EPB41L3: variants seen among roughly 807,000 people sequenced by gnomAD.
EPB41L3 encodes band 4.1-like protein 3.
In EPB41L3, 57 loss-of-function variants were observed where a neutral mutation model predicts 127.1. The ratio of observed to expected loss-of-function variants is 0.45; its 90% CI spans 0.36 to 0.56. EPB41L3 has a LOEUF of 0.56. Ranked by LOEUF, EPB41L3 falls within the 20% of genes least tolerant of loss-of-function variation. EPB41L3 has a pLI of 0.00. For synonymous variants in EPB41L3, 572 were observed against 549.5 expected (o/e 1.04, Z -0.57); for missense variants, 1,273 against 1,372.2 (o/e 0.93, Z 1.14).
intron 3 of EPB41L3, among the ~76,000 whole-genome samples, chr18:5,591,786 G>T (rs1001920377): frequency 1.3e-5 from 2 of 152,130 alleles, no homozygotes; most frequent in African/African-American, 2.4e-5. Context: ...AAAGTAAAGT[G>T]AAATCAACAA....
intron 1 of EPB41L3, among the ~76,000 whole-genome samples, chr18:5,505,200 T>C (rs745999839): frequency 1.3e-5 from 2 of 152,150 alleles, no homozygotes; most frequent in South Asian, 4.1e-4. Context: ...TGTCCAAAAG[T>C]GAACACTTGA....
intron 15 of EPB41L3, 95 bp from the exon 16 acceptor site, chr18:5,407,063 T>C (rs1434986679): frequency 1.5e-5 from 19 of 1,226,446 alleles, no homozygotes; most frequent in Non-Finnish European, 2.2e-5. Context: ...TCAATCTTAT[T>C]AGTAGTCAAA....
At chr18:5,480,924 A>G (rs1210103300) in intron 2 of EPB41L3, 1 of 152,246 alleles carries the variant, frequency 6.6e-6, no homozygotes, top group Non-Finnish European at 1.5e-5. Flanking sequence ...AAGAAAAAGC[A>G]AACATTTACT....
intron 3 of EPB41L3, among the ~76,000 whole-genome samples, chr18:5,476,330 A>G (rs2087213125): frequency 6.6e-6 from 1 of 152,240 alleles, no homozygotes; most frequent in Non-Finnish European, 1.5e-5. Context: ...ATAATTTATT[A>G]TAGAAGAAAA....
chr18:5,443,840 C>T lies in EPB41L3; in HGVS notation c.527G>A (p.Arg176Gln), dbSNP rs762396487. The change falls in exon 5 of 23, where the codon CGA becomes CAA. Residue 176 changes from arginine (R) to glutamine (Q), a missense_variant and splice_region_variant. Arg to Gln is a conservative substitution (Grantham distance 43). Transcript: ENST00000341928. ...AAAAATAATCCAAAAGAACTTACTT[C>T]GAACCTGTTTTTTTATTTCCTTAGC... ...DPAKEIKKQV[R>Q]SGAWHFSFNV... The T allele has an allele frequency of 4.4e-6, 7 of 1,608,712 alleles. No homozygotes were observed. The East Asian group carries it at 1.1e-4, about 26-fold the overall frequency.
intron 22 of EPB41L3, 124 bp from the exon 23 acceptor site, chr18:5,393,602 C>G: frequency 1.6e-6 from 1 of 621,130 alleles, no homozygotes; most frequent in Admixed American, 2.5e-5. Context: ...CCATGACATT[C>G]CAGCGTTAAG....
At chr18:5,515,053 C>CT (rs1351796373) in intron 1 of EPB41L3, among the ~76,000 whole-genome samples, 4 of 152,136 alleles carry the variant, frequency 2.6e-5, no homozygotes, top group Non-Finnish European at 2.9e-5. Flanking sequence ...AAGTGGGGTG[C>CT]TTTTCACAAG....
intron 3 of EPB41L3, among the ~76,000 whole-genome samples, chr18:5,576,257 A>T (rs539908699): frequency 6.6e-6 from 1 of 151,066 alleles, no homozygotes; most frequent in East Asian, 1.9e-4. Context: ...AAAATATCTT[A>T]CTACAAGTTA....
upstream of EPB41L3, among the ~76,000 whole-genome samples, chr18:5,548,005 T>C (rs1439665443): frequency 6.6e-6 from 1 of 152,236 alleles, no homozygotes; most frequent in Non-Finnish European, 1.5e-5. Context: ...GCCACCCTAA[T>C]AGACATTCAC....
At chr18:5,575,096 A>G (rs538501726) in intron 3 of EPB41L3, among the ~76,000 whole-genome samples, 8 of 152,316 alleles carry the variant, frequency 5.3e-5, no homozygotes, top group Non-Finnish European at 1.0e-4. Flanking sequence ...GAAGTAAGGA[A>G]TGGCAGTTCT....
intron 1 of EPB41L3, among the ~76,000 whole-genome samples, chr18:5,511,391 G>GTTTTTTTTTTTTT (rs1190047630): frequency 8.4e-5 from 5 of 59,798 alleles, no homozygotes; most frequent in Non-Finnish European, 1.2e-4. Flanking sequence ...AGGTATTTTG[G>GTTTTTTTTTTTTT]TTTTTTTTTT....
chr18:5,626,498 C>T (rs1490182875), intron 1 of EPB41L3, among the ~76,000 whole-genome samples: 2 of 152,138 alleles, frequency 1.3e-5, no homozygotes, highest in South Asian at 4.1e-4. Flanking sequence ...TTTAGCAGTT[C>T]TCCAATGAAA....
chr18:5,510,852 TAA>T (rs1458053290), intron 1 of EPB41L3, among the ~76,000 whole-genome samples: 1 of 152,186 alleles, frequency 6.6e-6, no homozygotes, highest in Non-Finnish European at 1.5e-5. Flanking sequence ...GTAAAATCAT[TAA>T]GTCTACATCA....
chr18:5,425,463 G>T (rs965031482), intron 9 of EPB41L3, among the ~76,000 whole-genome samples: 3 of 152,056 alleles, frequency 2.0e-5, no homozygotes, highest in Non-Finnish European at 4.4e-5. Context: ...TATTCATCCT[G>T]CAACTAATAT....
At chr18:5,418,679 C>A (rs889134377) in intron 12 of EPB41L3, among the ~76,000 whole-genome samples, 2 of 152,110 alleles carry the variant, frequency 1.3e-5, no homozygotes, top group East Asian at 3.9e-4. Flanking sequence ...ATAATCTTAT[C>A]CCAAAAAATA....
intron 11 of EPB41L3, among the ~76,000 whole-genome samples, chr18:5,422,691 A>G (rs2077629495): frequency 6.6e-6 from 1 of 152,212 alleles, no homozygotes; most frequent in Admixed American, 6.5e-5. Flanking sequence ...GAGAGCAATC[A>G]AGAAACTGTT....
rs9955773 is a variant in EPB41L3 at position 5,573,766 on chromosome 18, C to T, written c.-306+38574G>A. Among the ~76,000 whole-genome samples, 1,047 of 152,214 alleles carry T rather than the reference C, an allele frequency of 6.9e-3. 11 individuals carry two copies. The highest frequency in any genetic ancestry group is 0.024 in the African/African-American group (984 of 41,512). ...TTTATTATAAATATTATTACAGTCA[C>T]ATTATGCTTACACAAATAAGAAAAA... On this transcript the variant is annotated intron_variant, in intron 3 of 21. Coordinates refer to the EPB41L3 transcript ENST00000545076.
intron 3 of EPB41L3, among the ~76,000 whole-genome samples, chr18:5,574,398 A>G (rs1272858051): frequency 7.9e-6 from 1 of 126,072 alleles, no homozygotes; most frequent in African/African-American, 3.0e-5. Context: ...TTTTTTTTCT[A>G]TTTTCAACCT....
At chr18:5,402,143 A>G (rs1293049775) in intron 16 of EPB41L3, among the ~76,000 whole-genome samples, 6 of 151,372 alleles carry the variant, frequency 4.0e-5, no homozygotes, top group African/African-American at 1.5e-4. Context: ...CTTTCTAATG[A>G]GAAACAAGCC....
Sources: allele counts gnomAD v4.1 joint callset (sites outside exome capture counted in the v4.1 genomes callset), GRCh38; gene constraint gnomAD v4.1.1; transcripts MANE v1.5; gene names NCBI Gene and HGNC (gene_info 2026-07-23, HGNC 2026-07-21).